Variants in SIM2 observed in about 807,000 individuals in gnomAD.
The protein encoded by SIM2 is single-minded homolog 2.
In SIM2, 28 loss-of-function variants were observed where a neutral mutation model predicts 64.8. The observed-to-expected ratio is 0.43, with a 90% CI of 0.32 to 0.59. SIM2 has a LOEUF of 0.59. Among genes scored for constraint, SIM2 ranks in the 20% least tolerant of loss-of-function variants. The pLI, the probability that SIM2 is intolerant of heterozygous loss-of-function variation, is 0.07. For synonymous variants in SIM2, 408 were observed against 391.1 expected, an observed-to-expected ratio of 1.04 and a Z score of -0.51; for missense variants, 847 against 871.4, an observed-to-expected ratio of 0.97 and a Z score of 0.35.
chr21:36,728,272 C>T (rs1187169696), intron 6 of SIM2, among the ~76,000 whole-genome samples: 1 of 152,154 alleles, frequency 6.6e-6, no homozygotes, highest in Non-Finnish European at 1.5e-5. Flanking sequence ...TAGTTTTCCT[C>T]TGGGCCTTCT....
rs2088888460 is a variant in SIM2 at position 36,726,187 on chromosome 21, C to T, written c.612C>T (p.Cys204=). 6.2e-7 allele frequency: 1 copy of T among 1,614,088 alleles called. No homozygotes were observed. The highest frequency in any genetic ancestry group is 2.2e-5 in the East Asian group (1 of 44,886). ...YMLDMSLYDS[C]YQIVGLVAVG... Reference sequence around the variant, plus strand: ...TGGACATGTCCCTGTACGACTCCTGCTACCAGATTGTGGGGCTGGTGGCCG... The same window carrying T: ...TGGACATGTCCCTGTACGACTCCTGTTACCAGATTGTGGGGCTGGTGGCCG... The change falls in exon 6 of 11, where the codon TGC becomes TGT. Residue 204 remains cysteine (C), a synonymous_variant. Transcript: ENST00000290399. This position sits in a 1 kb window ranked among gnomAD's most constrained non-coding sequence, Gnocchi z 4.5.
chr21:36,741,828 G>A lies in SIM2; in HGVS notation c.962G>A (p.Arg321Gln), dbSNP rs373021150. 1.4e-5 allele frequency: 23 copies of A among 1,606,238 alleles called. No homozygotes were observed. Among genetic ancestry groups the A allele is most frequent in the South Asian group, 6.7e-5 (6 of 89,198 alleles). The change falls in exon 8 of 11, where the codon CGG (arginine) becomes CAG (glutamine). Residue 321 changes from arginine (R) to glutamine (Q), a missense_variant. Arg to Gln is a conservative substitution (Grantham distance 43). Coordinates refer to ENST00000290399, the MANE Select transcript of SIM2 (RefSeq NM_005069.6). ...ATVVHNSRSSRPHCIVSVNYV... is the reference protein window; with the variant it reads ...ATVVHNSRSSQPHCIVSVNYV... Reference sequence around the variant, plus strand: ...GTGGTGCACAACAGCCGCTCGTCCCGGCCCCACTGCATCGTGAGTGTCAAT... The same window carrying A: ...GTGGTGCACAACAGCCGCTCGTCCCAGCCCCACTGCATCGTGAGTGTCAAT...
intron 5 of SIM2, among the ~76,000 whole-genome samples, chr21:36,725,501 G>A (rs1434147921): frequency 1.3e-5 from 2 of 152,180 alleles, no homozygotes; most frequent in African/African-American, 2.4e-5. Context: ...TGCCTTTATT[G>A]TGTTACCTAC....
intron 1 of SIM2, among the ~76,000 whole-genome samples, chr21:36,708,214 GT>G (rs1568925194): frequency 1.3e-5 from 2 of 152,198 alleles, no homozygotes; most frequent in African/African-American, 4.8e-5. Context: ...GGGCTCGGGG[GT>G]TGTCCCAGCC....
chr21:36,702,942 G>GA (rs571164346), intron 1 of SIM2, among the ~76,000 whole-genome samples: 16,764 of 143,178 alleles, frequency 0.12, 3,014 homozygotes, highest in African/African-American at 0.39. Flanking sequence ...CTGGGAGGAA[G>GA]AAAAAAAAAA....
intron 2 of SIM2, among the ~76,000 whole-genome samples, chr21:36,712,181 C>A (rs1037656998): frequency 1.3e-5 from 2 of 152,124 alleles, no homozygotes; most frequent in African/African-American, 4.8e-5. Flanking sequence ...CCCCTAAGTA[C>A]CATAGAACTC....
chr21:36,741,540 CGTGT>C (rs112124266), intron 7 of SIM2, among the ~76,000 whole-genome samples, 173 bp from the exon 8 acceptor site: 1 of 152,010 alleles, frequency 6.6e-6, no homozygotes, highest in Non-Finnish European at 1.5e-5. Context: ...TATATGCACG[CGTGT>C]GTGTGTGTGC....
intron 7 of SIM2, among the ~76,000 whole-genome samples, chr21:36,734,648 C>T (rs2089018869): frequency 6.6e-6 from 1 of 152,176 alleles, no homozygotes; most frequent in Non-Finnish European, 1.5e-5. Flanking sequence ...TTCTTTGGTT[C>T]CAGCGTGGGA....
intron 7 of SIM2, among the ~76,000 whole-genome samples, 164 bp downstream of exon 7, chr21:36,731,315 C>CA (rs1352396687): frequency 3.6e-4 from 55 of 152,174 alleles, no homozygotes; most frequent in African/African-American, 1.3e-3. Context: ...TGATTAAGTA[C>CA]GGCTGCCTGT....
At chr21:36,709,062 T>G in intron 1 of SIM2, 106 bp from the exon 2 acceptor site, 1 of 943,838 alleles carries the variant, frequency 1.1e-6, no homozygotes, top group Non-Finnish European at 1.6e-6. Flanking sequence ...CGCGCGGGAC[T>G]CGTGGGGAGG....
At chr21:36,730,506 A>G (rs1261064491) in intron 6 of SIM2, among the ~76,000 whole-genome samples, 1 of 152,152 alleles carries the variant, frequency 6.6e-6, no homozygotes, top group East Asian at 1.9e-4. Context: ...TTTAATGGGG[A>G]CAGAGTGTTT....
At position 36,726,281 on chromosome 21, in the gene SIM2, G is replaced by A. The variant is rs1166311261; in HGVS notation, c.706G>A (p.Ala236Thr). Reference sequence around the variant, plus strand: ...GTACAGTAACATGTTCATGTTCAGGGCCAGCCTTGACCTGAAGCTGATATT... The same window carrying A: ...GTACAGTAACATGTTCATGTTCAGGACCAGCCTTGACCTGAAGCTGATATT... ...KLYSNMFMFR[A>T]SLDLKLIFLD... is the part of the protein sequence containing the mutation. Residue 236 changes from alanine to threonine, a missense_variant, in exon 6 of 11, where the codon GCC becomes ACC. Physicochemically the swap from Ala to Thr is moderately conservative, Grantham distance 58. This residue lies in a region of SIM2 where 397 missense variants were observed against 439.2 expected (regional missense o/e 0.90). Transcript: ENST00000290399. The surrounding 1 kb of genome is among the most constrained non-coding windows in gnomAD (Gnocchi z 4.5). The A allele has an allele frequency of 6.2e-7, 1 of 1,613,598 alleles. No individual in the cohort carries two copies. The highest frequency in any genetic ancestry group is 8.5e-7 in the Non-Finnish European group (1 of 1,180,008).
At chr21:36,700,338 T>C (rs2088473320) in intron 1 of SIM2, among the ~76,000 whole-genome samples, 1 of 151,646 alleles carries the variant, frequency 6.6e-6, no homozygotes, top group Non-Finnish European at 1.5e-5. Flanking sequence ...CTTTCTTTCT[T>C]CCTCTTTCTT....
At chr21:36,738,221 T>C (rs1362552880) in intron 7 of SIM2, among the ~76,000 whole-genome samples, 1 of 152,014 alleles carries the variant, frequency 6.6e-6, no homozygotes, top group Non-Finnish European at 1.5e-5. Context: ...TTGAAAGTAA[T>C]AGCAGCCAGA....
rs537108483 is a variant in SIM2, at chr21:36,747,812, G to A, written c.1724G>A (p.Arg575His). The A allele has an allele frequency of 1.7e-4, 177 of 1,032,194 alleles. 2 individuals carry two copies. The East Asian group carries it at 0.014, about 83-fold the overall frequency. 63.9% of individuals were successfully genotyped at this position (1,032,194 alleles called of 1,614,324 possible). The change falls in exon 11 of 11, where the codon CGC (arginine) becomes CAC (histidine). Residue 575 changes from arginine (R) to histidine (H), a missense_variant. Physicochemically the swap from Arg to His is conservative, Grantham distance 29 (BLOSUM62 0). Around this residue, in one of 3 missense-constraint regions of SIM2, gnomAD observed 447 missense variants for 414.6 expected, o/e 1.08. Transcript: ENST00000290399. The surrounding 1 kb of genome is among the most constrained non-coding windows in gnomAD (Gnocchi z 4.5). ...GACGGGGCGCGGCTGGCGCTGGCCCGCGCGGCACCCGAGTGCTGCGCGCCC... is the reference window on the plus strand; with the variant it reads ...GACGGGGCGCGGCTGGCGCTGGCCCACGCGGCACCCGAGTGCTGCGCGCCC... The part of the protein sequence containing the change: ...ARDGARLALA[R>H]AAPECCAPPT...
intron 6 of SIM2, 38 bp from the exon 7 acceptor site, chr21:36,731,007 A>C: frequency 7.0e-7 from 1 of 1,434,512 alleles, no homozygotes; most frequent in Non-Finnish European, 9.8e-7. Context: ...GGCAGTCTGC[A>C]GAGTGGCGTA....
chr21:36,743,137 T>C (rs2089185276), intron 8 of SIM2, among the ~76,000 whole-genome samples: 1 of 152,184 alleles, frequency 6.6e-6, no homozygotes, highest in Middle Eastern at 3.2e-3. Flanking sequence ...CCGAGCAATG[T>C]GTTTGGGGTT....
chr21:36,742,045 A>G (rs1284314465), intron 8 of SIM2, among the ~76,000 whole-genome samples, 181 bp downstream of exon 8: 1 of 147,638 alleles, frequency 6.8e-6, no homozygotes. Context: ...GGTGCAAACT[A>G]TTTCTATGCT....
chr21:36,743,468 G>A lies in SIM2; in HGVS notation c.1080G>A (p.Leu360=). ...AKSQDSWRTA[L]STSQETRKLV... is the part of the protein sequence containing the mutation. Reference sequence around the variant, plus strand: ...CCCAGGACTCCTGGAGGACCGCCTTGTCTACCTCACAAGAAACTAGGAAAT... The same window carrying A: ...CCCAGGACTCCTGGAGGACCGCCTTATCTACCTCACAAGAAACTAGGAAAT... The change falls in exon 9 of 11, where the codon TTG becomes TTA. Residue 360 remains leucine, a synonymous_variant. Transcript: ENST00000290399. 2 of 1,614,128 alleles carry A rather than the reference G, an allele frequency of 1.2e-6. No individual in the cohort carries two copies. Among genetic ancestry groups the A allele is most frequent in the Non-Finnish European group, 1.7e-6 (2 of 1,180,000 alleles).
Sources: allele counts gnomAD v4.1 joint callset (sites outside exome capture counted in the v4.1 genomes callset), GRCh38; gene constraint gnomAD v4.1.1; regional missense constraint gnomAD v4.1.1; non-coding constraint Gnocchi (gnomAD v3.1); transcripts MANE v1.5; gene names NCBI Gene and HGNC (gene_info 2026-07-23, HGNC 2026-07-21).